Variants in PDE10A observed in about 807,000 individuals in gnomAD.
PDE10A encodes cAMP and cAMP-inhibited cGMP 3',5'-cyclic phosphodiesterase 10A.
In PDE10A, 39 loss-of-function variants were observed where a neutral mutation model predicts 97.7. The observed-to-expected ratio is 0.40, with a 90% CI of 0.31 to 0.52. The LOEUF (loss-of-function observed/expected upper bound fraction) is 0.52. Ranked by LOEUF, PDE10A falls within the 20% of genes least tolerant of loss-of-function variation. The probability of loss-of-function intolerance (pLI) is 0.56; values close to 1 mark genes in which losing one functional copy is unlikely to be tolerated. For missense variants in PDE10A, 731 were observed against 1,047.8 expected (o/e 0.70, Z 4.17); for synonymous variants, 371 against 376.8 (o/e 0.98, Z 0.18).
chr6:165,491,031 A>T (rs1780197411), intron 2 of PDE10A, among the ~76,000 whole-genome samples: 1 of 152,222 alleles, frequency 6.6e-6, no homozygotes, highest in Non-Finnish European at 1.5e-5. Flanking sequence ...AAGGACTCAC[A>T]TAAACTTAGA....
intron 1 of PDE10A, among the ~76,000 whole-genome samples, chr6:165,650,988 G>A (rs1034769484): frequency 9.2e-5 from 14 of 152,068 alleles, no homozygotes; most frequent in African/African-American, 1.4e-4. Flanking sequence ...CACCCACCTC[G>A]GCCTCCCAAA....
intron 2 of PDE10A, among the ~76,000 whole-genome samples, chr6:165,498,659 G>T (rs915006621): frequency 3.3e-5 from 5 of 151,920 alleles, no homozygotes; most frequent in Admixed American, 6.6e-5. Flanking sequence ...AATAGTAGAA[G>T]ATCTTGGCAC....
At chr6:165,963,365 A>C (rs1784413156) in intron 1 of PDE10A, among the ~76,000 whole-genome samples, 1 of 152,200 alleles carries the variant, frequency 6.6e-6, no homozygotes, top group Non-Finnish European at 1.5e-5. Flanking sequence ...GGATACTTAC[A>C]CAGGCCTAGT....
chr6:165,731,716 T>C (rs909478593), intron 1 of PDE10A, among the ~76,000 whole-genome samples: 9 of 152,222 alleles, frequency 5.9e-5, no homozygotes, highest in Non-Finnish European at 1.2e-4. Flanking sequence ...GTTGAGGTAT[T>C]AAAACACTTG....
At chr6:165,978,776 T>C (rs925663035) in intron 1 of PDE10A, among the ~76,000 whole-genome samples, 7 of 152,324 alleles carry the variant, frequency 4.6e-5, no homozygotes, top group African/African-American at 1.7e-4. Flanking sequence ...CGTTATATCA[T>C]TGTTAAGCAT....
chr6:165,920,020 A>G (rs903643818), intron 1 of PDE10A, among the ~76,000 whole-genome samples: 2 of 152,208 alleles, frequency 1.3e-5, no homozygotes, highest in African/African-American at 2.4e-5. Context: ...AATCACTGCA[A>G]TACTCTAGTC....
intron 1 of PDE10A, among the ~76,000 whole-genome samples, chr6:165,675,374 A>G (rs888164415): frequency 6.6e-6 from 1 of 152,236 alleles, no homozygotes; most frequent in Non-Finnish European, 1.5e-5. Flanking sequence ...GAGTCTATAT[A>G]CAAGAGTTTA....
chr6:165,332,950 C>CCAAAAAAAGA lies in PDE10A; in HGVS notation c.*74_*75insTCTTTTTTTG. 4.5e-6 allele frequency: 3 copies of CCAAAAAAAGA among 665,216 alleles called. No individual in the cohort carries two copies. Among genetic ancestry groups the CCAAAAAAAGA allele is most frequent in the South Asian group, 1.5e-5 (1 of 67,932 alleles). The allele number at this position is 665,216 out of a possible 1,614,324, so 41.2% of individuals were successfully genotyped here. Reference sequence around the variant, plus strand: ...AGGTGCAGGTTCCCCCCACCCCCCCCAAAAAAAGGAAAAGAATGTCAAAGA... The same window carrying CCAAAAAAAGA: ...AGGTGCAGGTTCCCCCCACCCCCCCCCAAAAAAAGAAAAAAAAGGAAAAGAATGTCAAAGA... On this transcript the variant is annotated 3_prime_UTR_variant, in exon 22 of 22. Transcript: ENST00000539869.
At chr6:165,850,108 C>T (rs1780534610) in intron 1 of PDE10A, among the ~76,000 whole-genome samples, 1 of 152,138 alleles carries the variant, frequency 6.6e-6, no homozygotes, top group Admixed American at 6.5e-5. Context: ...CGATCCTCTT[C>T]CTGCTACCCC....
chr6:165,488,536 C>T (rs935678647), intron 2 of PDE10A, among the ~76,000 whole-genome samples: 1 of 152,170 alleles, frequency 6.6e-6, no homozygotes, highest in African/African-American at 2.4e-5. Context: ...AAAGCCACAT[C>T]GTGAACTTTT....
chr6:165,715,773 G>GA lies in PDE10A; in HGVS notation c.-614-172206dup, dbSNP rs1792011961. Among the ~76,000 whole-genome samples, 5 of 152,298 alleles carry GA rather than the reference G, an allele frequency of 3.3e-5. 1 individual carries two copies. In the South Asian group the frequency reaches 1.0e-3, roughly 32 times the overall value. On this transcript the variant is annotated intron_variant, in intron 1 of 19. Transcript: ENST00000366882. ...ACCCTCAATCACTCGACAGTAGGGG[G>GA]ACGTCCCTCTTCCGGGCACCGTGGT...
chr6:165,632,644 T>C (rs1446168203), intron 1 of PDE10A, among the ~76,000 whole-genome samples: 1 of 152,192 alleles, frequency 6.6e-6, no homozygotes, highest in East Asian at 1.9e-4. Flanking sequence ...ATGACTTTGA[T>C]CCACAAATTG....
intron 1 of PDE10A, among the ~76,000 whole-genome samples, chr6:165,984,437 T>A (rs895842682): frequency 1.3e-5 from 2 of 152,274 alleles, no homozygotes; most frequent in African/African-American, 2.4e-5. Flanking sequence ...CATACATTTA[T>A]TAATTATTAA....
intron 1 of PDE10A, among the ~76,000 whole-genome samples, chr6:165,972,043 AG>A (rs1473012854): frequency 6.6e-6 from 1 of 152,132 alleles, no homozygotes; most frequent in Non-Finnish European, 1.5e-5. Flanking sequence ...CTGGGGTGTG[AG>A]GGGGTGAAAG....
At chr6:165,817,856 C>T (rs1246843818) in intron 1 of PDE10A, among the ~76,000 whole-genome samples, 2 of 152,218 alleles carry the variant, frequency 1.3e-5, no homozygotes, top group South Asian at 2.1e-4. Context: ...AGGTCCTACG[C>T]ATCCAATTCT....
intron 2 of PDE10A, among the ~76,000 whole-genome samples, chr6:165,512,233 T>C (rs1414581998): frequency 6.6e-6 from 1 of 151,930 alleles, no homozygotes; most frequent in Non-Finnish European, 1.5e-5. Flanking sequence ...CGATAGTAAA[T>C]GTCATCTGTG....
chr6:165,810,218 C>A (rs1235557206), intron 1 of PDE10A, among the ~76,000 whole-genome samples: 1 of 152,214 alleles, frequency 6.6e-6, no homozygotes, highest in Non-Finnish European at 1.5e-5. Flanking sequence ...GAGCACCACC[C>A]TTGGTCTGCC....
At chr6:165,816,256 A>C (rs1375775628) in intron 1 of PDE10A, among the ~76,000 whole-genome samples, 1 of 152,332 alleles carries the variant, frequency 6.6e-6, no homozygotes, top group East Asian at 1.9e-4. Context: ...GCCCAGGCTC[A>C]TATTTTCTAA....
chr6:165,399,413 C>T (rs932661824), intron 13 of PDE10A, among the ~76,000 whole-genome samples: 3 of 152,078 alleles, frequency 2.0e-5, no homozygotes, highest in African/African-American at 7.2e-5. Context: ...ATTATACTGC[C>T]CAAATCCAAT....
Sources: gnomAD v4.1 joint callset for allele counts (sites outside exome capture counted in the v4.1 genomes callset) on GRCh38, gnomAD v4.1.1 for gene constraint, MANE v1.5 for transcripts, NCBI Gene and HGNC (gene_info 2026-07-23, HGNC 2026-07-21) for gene names.